Variants in KCNQ3 observed in about 807,000 individuals in gnomAD.
The protein encoded by KCNQ3 is potassium voltage-gated channel subfamily KQT member 3.
A neutral mutation model predicts 92.5 loss-of-function variants in KCNQ3; 30 were observed. The ratio of observed to expected loss-of-function variants is 0.32; its 90% CI spans 0.24 to 0.44. The LOEUF is 0.44. KCNQ3 is among the 20% of genes least tolerant of loss of function. The probability of loss-of-function intolerance (pLI) is 1.00; values close to 1 mark genes in which losing one functional copy is unlikely to be tolerated. For missense variants in KCNQ3, 913 were observed against 1,140.3 expected (o/e 0.80, Z 2.87); for synonymous variants, 450 against 468.8 (o/e 0.96, Z 0.52).
chr8:132,397,070 T>G (rs1178641843), intron 1 of KCNQ3, among the ~76,000 whole-genome samples: 1 of 152,102 alleles, frequency 6.6e-6, no homozygotes, highest in Non-Finnish European at 1.5e-5. Context: ...TTATTATTAC[T>G]GCATTTTTCA....
At position 132,129,766 on chromosome 8, in the gene KCNQ3, G is replaced by C; in HGVS notation, c.2115C>G (p.Asp705Glu). 1 of 1,614,208 alleles carries C rather than the reference G, an allele frequency of 6.2e-7. No homozygotes were observed. Among genetic ancestry groups the C allele is most frequent in the South Asian group, 1.1e-5 (1 of 91,088 alleles). The part of the protein sequence containing the change: ...PPYSFHQVTI[D>E]KVSPYGFFAH... ...CAAAAAACCCATAGGGGCTGACTTT[G>C]TCAATGGTCACCTGGTGGAAGCTGT... The change falls in exon 15 of 15, where the codon GAC (aspartate) becomes GAG (glutamate). Residue 705 changes from aspartate to glutamate, a missense_variant. By Grantham distance (45) the Asp-to-Glu change is conservative. Transcript: ENST00000388996. The surrounding 1 kb of genome is among the most constrained non-coding windows in gnomAD (Gnocchi z 5.9).
intron 1 of KCNQ3, among the ~76,000 whole-genome samples, chr8:132,253,421 G>T (rs796421186): frequency 3.9e-5 from 6 of 152,282 alleles, no homozygotes; most frequent in African/African-American, 1.4e-4. Flanking sequence ...CCAAGTACTG[G>T]TATGTAGGTA....
At chr8:132,336,020 C>T (rs943004090) in intron 1 of KCNQ3, among the ~76,000 whole-genome samples, 1 of 152,212 alleles carries the variant, frequency 6.6e-6, no homozygotes, top group Admixed American at 6.5e-5. Context: ...TCCAGCAGAA[C>T]TCAAGTGTAG....
intron 1 of KCNQ3, among the ~76,000 whole-genome samples, chr8:132,345,946 G>A (rs1178838201): frequency 1.3e-5 from 2 of 151,824 alleles, no homozygotes; most frequent in African/African-American, 4.8e-5. Flanking sequence ...TGATGATGAT[G>A]GTGATGATGA....
At chr8:132,319,481 C>A (rs1449176552) in intron 1 of KCNQ3, among the ~76,000 whole-genome samples, 2 of 152,170 alleles carry the variant, frequency 1.3e-5, no homozygotes, top group Non-Finnish European at 2.9e-5. Flanking sequence ...AATAAATCAA[C>A]ACGCAGGCGC....
At chr8:132,281,024 G>C (rs1285917439) in intron 1 of KCNQ3, among the ~76,000 whole-genome samples, 1 of 152,132 alleles carries the variant, frequency 6.6e-6, no homozygotes, top group African/African-American at 2.4e-5. Context: ...TTATTGTTCA[G>C]CTTGGGGTGG....
intron 1 of KCNQ3, among the ~76,000 whole-genome samples, chr8:132,453,447 T>G (rs930667729): frequency 6.6e-6 from 1 of 152,130 alleles, no homozygotes; most frequent in Non-Finnish European, 1.5e-5. Context: ...AATTATTATG[T>G]GGGGACCCTC....
intron 1 of KCNQ3, among the ~76,000 whole-genome samples, chr8:132,297,152 A>AT (rs1451219151): frequency 2.0e-5 from 3 of 152,112 alleles, no homozygotes; most frequent in Non-Finnish European, 2.9e-5. Context: ...GATGATGAGC[A>AT]TTTTTTGTGT....
At chr8:132,335,935 G>A (rs1003022150) in intron 1 of KCNQ3, among the ~76,000 whole-genome samples, 2 of 152,166 alleles carry the variant, frequency 1.3e-5, no homozygotes, top group African/African-American at 4.8e-5. Context: ...AACACCAGGA[G>A]GCCCTTGTGC....
rs1241018857 is a variant in KCNQ3, at chr8:132,175,492, C to T, written c.894G>A (p.Glu298=). 9.9e-6 allele frequency: 16 copies of T among 1,614,056 alleles called. No individual in the cohort carries two copies. In the Admixed American group the frequency reaches 2.7e-4, roughly 27 times the overall value. Residue 298 remains glutamate (E), a synonymous_variant, in exon 5 of 15, where the codon GAG becomes GAA. Transcript: ENST00000388996. The part of the protein sequence containing the change: ...EVDAQGEEMK[E]EFETYADALW... ...GGGCATCTGCATAGGTCTCAAACTC[C>T]TCTTTCATCTCCTCTCCTTGTGCAT...
chr8:132,141,473 G>A lies in KCNQ3; in HGVS notation c.1263-142C>T, dbSNP rs867254443. The A allele has an allele frequency of 3.6e-5, 28 of 773,362 alleles. No individual in the cohort carries two copies. The Middle Eastern group carries it at 7.4e-4, about 20-fold the overall frequency. The allele number at this position is 773,362 out of a possible 1,614,324, so 47.9% of individuals were successfully genotyped here. A position where few individuals can be genotyped will look rare whatever the true frequency, so the allele number is the denominator to read the frequency against. ...TCACAGTGCTGAATCTGACTCAGCA[G>A]CTTGGAATCGGACAGGGCGTGGTTC... On this transcript the variant is annotated intron_variant, in intron 9 of 14. Transcript: ENST00000388996.
intron 1 of KCNQ3, among the ~76,000 whole-genome samples, chr8:132,345,028 TG>T (rs1338460801): frequency 2.0e-5 from 3 of 152,202 alleles, no homozygotes; most frequent in Non-Finnish European, 4.4e-5. Context: ...CACTAGAGCA[TG>T]CCCCCCTGTA....
Position 132,267,665 on chromosome 8 carries a change from T to C in KCNQ3, c.387-81484A>G, listed in dbSNP as rs966342781. 2.0e-5 allele frequency among the ~76,000 whole-genome samples: 3 copies of C among 152,210 alleles called. No individual in the cohort carries two copies. In the South Asian group the frequency reaches 6.2e-4, roughly 32 times the overall value. On this transcript the variant is annotated intron_variant, in intron 1 of 14. Coordinates refer to ENST00000388996, the MANE Select transcript of KCNQ3 (RefSeq NM_004519.4). ...TGTGACTCCCAAATATTAACGTATATATCAGAACTCCCTAGAAGGCTGCTG... is the reference window on the plus strand; with the variant it reads ...TGTGACTCCCAAATATTAACGTATACATCAGAACTCCCTAGAAGGCTGCTG...
At position 132,288,950 on chromosome 8, in the gene KCNQ3, A is replaced by C. The variant is rs151280127; in HGVS notation, c.387-102769T>G. 1.8e-3 allele frequency among the ~76,000 whole-genome samples: 271 copies of C among 152,320 alleles called. 1 individual carries two copies. Among genetic ancestry groups the C allele is most frequent in the Non-Finnish European group, 2.8e-3 (189 of 68,020 alleles). On this transcript the variant is annotated intron_variant, in intron 1 of 14. Coordinates refer to ENST00000388996, the MANE Select transcript of KCNQ3 (RefSeq NM_004519.4). The stretch of plus-strand genomic sequence containing the variant: ...CAGATGGCAAGGCCTTGTCAATGAG[A>C]CATGATTATACTACATGTGATACAA...
chr8:132,306,374 C>CA (rs1037685978), intron 1 of KCNQ3, among the ~76,000 whole-genome samples: 2 of 152,236 alleles, frequency 1.3e-5, no homozygotes, highest in East Asian at 3.9e-4. Flanking sequence ...AAAACTTGGC[C>CA]AAAAAATCAT....
At chr8:132,191,768 G>A (rs962746942) in intron 1 of KCNQ3, among the ~76,000 whole-genome samples, 4 of 151,868 alleles carry the variant, frequency 2.6e-5, no homozygotes, top group South Asian at 2.1e-4. Context: ...AGGAGGGTGC[G>A]CTGGAGAGAT....
At chr8:132,379,780 T>C (rs1193470103) in intron 1 of KCNQ3, among the ~76,000 whole-genome samples, 1 of 152,176 alleles carries the variant, frequency 6.6e-6, no homozygotes, top group Non-Finnish European at 1.5e-5. Flanking sequence ...GACAAAGACA[T>C]GGAATATATC....
At chr8:132,145,044 C>T (rs1342570413) in intron 9 of KCNQ3, among the ~76,000 whole-genome samples, 1 of 152,158 alleles carries the variant, frequency 6.6e-6, no homozygotes, top group Non-Finnish European at 1.5e-5. Flanking sequence ...GACATTTGGT[C>T]GTCACAACTA....
chr8:132,258,917 G>A (rs1815684454), intron 1 of KCNQ3, among the ~76,000 whole-genome samples: 2 of 152,008 alleles, frequency 1.3e-5, no homozygotes, highest in South Asian at 2.1e-4. Flanking sequence ...AAATGGACAA[G>A]TTTCTAGGAA....
Sources: gnomAD v4.1 joint callset for allele counts (sites outside exome capture counted in the v4.1 genomes callset) on GRCh38, gnomAD v4.1.1 for gene constraint, Gnocchi (gnomAD v3.1) non-coding constraint, MANE v1.5 for transcripts, NCBI Gene and HGNC (gene_info 2026-07-23, HGNC 2026-07-21) for gene names.